The following MDGA2 variants were observed in gnomAD, a reference collection of about 807,000 sequenced individuals.
MDGA2 encodes the protein MAM domain-containing glycosylphosphatidylinositol anchor protein 2.
A neutral mutation model predicts 117.8 loss-of-function variants in MDGA2; 40 were observed. That is an observed-to-expected ratio of 0.34 (90% CI 0.26 to 0.44). MDGA2 has a LOEUF of 0.44. Ranked by LOEUF, MDGA2 falls within the 20% of genes least tolerant of loss-of-function variation. The probability of loss-of-function intolerance (pLI) is 1.00; values close to 1 mark genes in which losing one functional copy is unlikely to be tolerated. For missense variants in MDGA2, 1,123 were observed against 1,250.6 expected, an observed-to-expected ratio of 0.90 and a Z score of 1.54; for synonymous variants, 452 against 439.0, an observed-to-expected ratio of 1.03 and a Z score of -0.37.
At chr14:47,351,338 G>A (rs1594811863) in intron 1 of MDGA2, among the ~76,000 whole-genome samples, 1 of 151,928 alleles carries the variant, frequency 6.6e-6, no homozygotes, top group African/African-American at 2.4e-5. Flanking sequence ...GGCCTCAGCC[G>A]CCCAAAGTGC....
At chr14:47,635,426 T>C (rs1270907245) in intron 1 of MDGA2, among the ~76,000 whole-genome samples, 2 of 152,136 alleles carry the variant, frequency 1.3e-5, no homozygotes, top group Non-Finnish European at 2.9e-5. Context: ...TGACGTAGTA[T>C]CTAACACAGA....
intron 1 of MDGA2, among the ~76,000 whole-genome samples, chr14:47,360,354 AAAAT>A (rs60754618): frequency 0.31 from 43,291 of 139,730 alleles, 6,935 homozygotes; most frequent in East Asian, 0.44. Flanking sequence ...TCCATCTCAA[AAAAT>A]AAATAAATAA....
chr14:47,076,757 C>T (rs1890511590), intron 6 of MDGA2, among the ~76,000 whole-genome samples: 1 of 152,058 alleles, frequency 6.6e-6, no homozygotes, highest in South Asian at 2.1e-4. Context: ...TCTTATAAAG[C>T]TATTATTCAG....
At chr14:47,390,683 A>T (rs1245180896) in intron 1 of MDGA2, among the ~76,000 whole-genome samples, 1 of 152,186 alleles carries the variant, frequency 6.6e-6, no homozygotes, top group East Asian at 1.9e-4. Context: ...GATTTCTGTG[A>T]TGCAGGTTAC....
rs144362264 is a variant in MDGA2 at position 47,169,301 on chromosome 14, A to C, written c.596-25027T>G. On this transcript the variant is annotated intron_variant, in intron 3 of 16. Transcript: ENST00000399232. ...ATTTTCTTTCATTTCTTGTTGTTAA[A>C]ATATTCATAGATATTTCTATAATTA... Among the ~76,000 whole-genome samples the C allele has an allele frequency of 2.7e-3, 406 of 151,998 alleles. 6 individuals carry two copies. Among genetic ancestry groups the C allele is most frequent in the African/African-American group, 9.3e-3 (386 of 41,540 alleles).
At chr14:47,643,005 T>C (rs536825934) in intron 1 of MDGA2, among the ~76,000 whole-genome samples, 22 of 152,222 alleles carry the variant, frequency 1.4e-4, no homozygotes, top group African/African-American at 5.3e-4. Context: ...TTTGTATGTA[T>C]GTATGTATGT....
intron 8 of MDGA2, among the ~76,000 whole-genome samples, chr14:46,983,195 A>G (rs1886747620): frequency 6.6e-6 from 1 of 152,156 alleles, no homozygotes; most frequent in African/African-American, 2.4e-5. Context: ...AATATTCTAA[A>G]TTACATTGTA....
chr14:47,075,835 T>G (rs945962345), intron 6 of MDGA2, among the ~76,000 whole-genome samples: 1 of 152,150 alleles, frequency 6.6e-6, no homozygotes. Context: ...AGCTGGTTTA[T>G]TGTTATTTAT....
At chr14:47,125,191 G>T (rs1881839665) in intron 5 of MDGA2, among the ~76,000 whole-genome samples, 1 of 152,104 alleles carries the variant, frequency 6.6e-6, no homozygotes, top group South Asian at 2.1e-4. Flanking sequence ...GCAAGTTACG[G>T]CAAAATCTTT....
intron 4 of MDGA2, among the ~76,000 whole-genome samples, chr14:47,136,561 C>T (rs1007584398): frequency 4.6e-5 from 7 of 152,236 alleles, no homozygotes; most frequent in Non-Finnish European, 5.9e-5. Flanking sequence ...GTGTATTCTT[C>T]CTATACGTAT....
intron 7 of MDGA2, among the ~76,000 whole-genome samples, chr14:47,045,604 A>T (rs1490868928): frequency 6.6e-6 from 1 of 152,174 alleles, no homozygotes; most frequent in Non-Finnish European, 1.5e-5. Context: ...TAAGCAACAA[A>T]TATGTATTAG....
At chr14:47,491,841 G>A (rs1894176390) in intron 1 of MDGA2, among the ~76,000 whole-genome samples, 1 of 151,932 alleles carries the variant, frequency 6.6e-6, no homozygotes, top group South Asian at 2.1e-4. Flanking sequence ...AATTTTCAAA[G>A]TGTCCAATAG....
intron 3 of MDGA2, among the ~76,000 whole-genome samples, chr14:47,209,567 C>A (rs1885808965): frequency 6.6e-6 from 1 of 152,122 alleles, no homozygotes; most frequent in South Asian, 2.1e-4. Flanking sequence ...TGAGATAGGA[C>A]TAAACTGATT....
At chr14:47,078,274 T>A (rs972512914) in intron 6 of MDGA2, among the ~76,000 whole-genome samples, 1 of 152,170 alleles carries the variant, frequency 6.6e-6, no homozygotes, top group East Asian at 1.9e-4. Context: ...CCTAGAATAG[T>A]TGAAAATATA....
Position 47,568,015 on chromosome 14 carries a change from G to C in MDGA2, c.280+106502C>G, listed in dbSNP as rs147636113. ...ACAGGTTTCCTGGGCTCACTCCCATGTGTCCACTAAATCCCATTTTCCTTC... is the reference window on the plus strand; with the variant it reads ...ACAGGTTTCCTGGGCTCACTCCCATCTGTCCACTAAATCCCATTTTCCTTC... On this transcript the variant is annotated intron_variant, in intron 1 of 16. Coordinates refer to ENST00000399232, the MANE Select transcript of MDGA2 (RefSeq NM_001113498.3). Among the ~76,000 whole-genome samples, 729 of 152,138 alleles carry C rather than the reference G, an allele frequency of 4.8e-3. 8 individuals are homozygous for C. Among genetic ancestry groups the C allele is most frequent in the African/African-American group, 0.017 (691 of 41,518 alleles).
intron 6 of MDGA2, among the ~76,000 whole-genome samples, chr14:47,090,798 A>C (rs1357346942): frequency 6.6e-6 from 1 of 152,190 alleles, no homozygotes; most frequent in Non-Finnish European, 1.5e-5. Flanking sequence ...TCATGTAAAG[A>C]GACAAGAATG....
intron 16 of MDGA2, among the ~76,000 whole-genome samples, chr14:46,843,461 G>A (rs1465463657): frequency 6.6e-6 from 1 of 152,072 alleles, no homozygotes; most frequent in Non-Finnish European, 1.5e-5. Context: ...CTCCTTTGAG[G>A]AGAATACATG....
chr14:47,634,864 C>G (rs1312589553), intron 1 of MDGA2, among the ~76,000 whole-genome samples: 2 of 152,034 alleles, frequency 1.3e-5, no homozygotes, highest in African/African-American at 4.8e-5. Flanking sequence ...GGTTCACTAA[C>G]TGAATCACTT....
intron 1 of MDGA2, among the ~76,000 whole-genome samples, chr14:47,417,171 C>T (rs1892492265): frequency 6.6e-6 from 1 of 152,268 alleles, no homozygotes; most frequent in East Asian, 1.9e-4. Flanking sequence ...TAATTTTAAA[C>T]TTGTTTCCCT....
Sources: gnomAD v4.1 joint callset for allele counts (sites outside exome capture counted in the v4.1 genomes callset) on GRCh38, gnomAD v4.1.1 for gene constraint, MANE v1.5 for transcripts, NCBI Gene and HGNC (gene_info 2026-07-23, HGNC 2026-07-21) for gene names.